Variants in DAB2IP observed in about 807,000 individuals in gnomAD.
The protein encoded by DAB2IP is DAB2 interacting protein, also known as disabled homolog 2-interacting protein.
DAB2IP carries 28 observed loss-of-function variants against 107.2 expected under a neutral mutation model. That is an observed-to-expected ratio of 0.26 (90% CI 0.19 to 0.36). DAB2IP has a LOEUF of 0.36. Among genes scored for constraint, DAB2IP ranks in the 10% least tolerant of loss-of-function variants. DAB2IP has a pLI of 1.00. For missense variants in DAB2IP, 1,400 were observed against 1,644.7 expected, an observed-to-expected ratio of 0.85 and a Z score of 2.57; for synonymous variants, 755 against 706.4, an observed-to-expected ratio of 1.07 and a Z score of -1.09.
chr9:121,663,027 G>A (rs1833271128), intron 1 of DAB2IP, among the ~76,000 whole-genome samples: 1 of 152,240 alleles, frequency 6.6e-6, no homozygotes, highest in Non-Finnish European at 1.5e-5. Context: ...ACTCAGGGTT[G>A]AGAGAAGACT....
chr9:121,618,683 T>TC, intron 1 of DAB2IP, among the ~76,000 whole-genome samples: 1 of 152,254 alleles, frequency 6.6e-6, no homozygotes, highest in African/African-American at 2.4e-5. Flanking sequence ...ATTTTTTTTT[T>TC]CTCCCAAAAG....
intron 1 of DAB2IP, among the ~76,000 whole-genome samples, chr9:121,597,267 C>T (rs1057097288): frequency 2.0e-5 from 3 of 152,072 alleles, no homozygotes; most frequent in African/African-American, 7.2e-5. Flanking sequence ...GTTTTCAGTA[C>T]ACCTGGAACT....
At position 121,699,375 on chromosome 9, in the gene DAB2IP, G is replaced by T. The variant is rs1394123087; in HGVS notation, c.279G>T (p.Gln93His). 1 of 1,479,364 alleles carries T rather than the reference G, an allele frequency of 6.8e-7. No individual in the cohort carries two copies. The highest frequency in any genetic ancestry group is 9.0e-7 in the Non-Finnish European group (1 of 1,105,394). The allele number at this position is 1,479,364 out of a possible 1,614,324, so 91.6% of individuals were successfully genotyped here. A position where few individuals can be genotyped will look rare whatever the true frequency, so the allele number is the denominator to read the frequency against. Residue 93 changes from glutamine to histidine, a missense_variant, in exon 3 of 16, where the codon CAG becomes CAT. Gln to His is a conservative substitution (Grantham distance 24, BLOSUM62 0). Around this residue, in one of 3 missense-constraint regions of DAB2IP, gnomAD observed 283 missense variants for 237.0 expected, o/e 1.19. Transcript: ENST00000408936. The surrounding 1 kb of genome is among the most constrained non-coding windows in gnomAD (Gnocchi z 6.2). ...GCTCCATCAAGCGCACCAAGAGCCA[G>T]CCCAAGCTGGACCGCAACCACAGCT...
Position 121,773,246 on chromosome 9 carries a change from A to G in DAB2IP, c.2718A>G (p.Pro906=). Residue 906 remains proline, a synonymous_variant, in exon 12 of 16, where the codon CCA becomes CCG. Transcript: ENST00000408936. Reference sequence around the variant, plus strand: ...AAAAAGGCGGGCAGCCCACGGTGCCACGGCAGAACAGTGCTGGCCCCCAGA... The same window carrying G: ...AAAAAGGCGGGCAGCCCACGGTGCCGCGGCAGAACAGTGCTGGCCCCCAGA... The G allele has an allele frequency of 1.9e-6, 3 of 1,549,702 alleles. No individual in the cohort carries two copies. In the South Asian group the frequency reaches 3.6e-5, roughly 18 times the overall value.
intron 1 of DAB2IP, among the ~76,000 whole-genome samples, chr9:121,640,819 T>A (rs1264843356): frequency 6.6e-6 from 1 of 152,134 alleles, no homozygotes; most frequent in East Asian, 1.9e-4. Context: ...GACCACTAGA[T>A]CTCTTGAGGC....
intron 2 of DAB2IP, among the ~76,000 whole-genome samples, chr9:121,686,134 G>A (rs1031153575): frequency 6.6e-6 from 1 of 152,154 alleles, no homozygotes; most frequent in Non-Finnish European, 1.5e-5. Flanking sequence ...CATGGGGTTG[G>A]GGGGACAAGC....
chr9:121,744,407 G>GA (rs1203783879), intron 3 of DAB2IP, among the ~76,000 whole-genome samples: 2 of 152,066 alleles, frequency 1.3e-5, no homozygotes, highest in Non-Finnish European at 2.9e-5. Flanking sequence ...ACCCATTTCT[G>GA]AAAAAAAGTC....
chr9:121,784,604 A>C (rs139834261), exon 16 of DAB2IP: 109 of 155,010 alleles, frequency 7.0e-4, no homozygotes, highest in Non-Finnish European at 1.3e-3. Context: ...CCGATTTTGT[A>C]AATGTTCTTG....
At chr9:121,695,372 C>T (rs1829369131) in intron 2 of DAB2IP, among the ~76,000 whole-genome samples, 1 of 152,200 alleles carries the variant, frequency 6.6e-6, no homozygotes, top group African/African-American at 2.4e-5. Flanking sequence ...ACCTACTACT[C>T]TGTGTAGTTG....
chr9:121,567,882 A>G (rs895874835), intron 1 of DAB2IP, among the ~76,000 whole-genome samples: 1 of 152,142 alleles, frequency 6.6e-6, no homozygotes, highest in Non-Finnish European at 1.5e-5. Flanking sequence ...CAGCTCCTGC[A>G]CTACTCAGCC....
chr9:121,648,874 T>C (rs1832637136), upstream of DAB2IP, among the ~76,000 whole-genome samples: 1 of 151,968 alleles, frequency 6.6e-6, no homozygotes, highest in South Asian at 2.1e-4. Flanking sequence ...GTGGTAGCAA[T>C]GGTGGTGGTG....
In DAB2IP at chr9:121,616,378, C is replaced by G. The variant is rs1274889578; in HGVS notation, c.40+49150C>G. On this transcript the variant is annotated intron_variant, in intron 1 of 16. Transcript: ENST00000259371. Reference sequence around the variant, plus strand: ...CTGCTGTCTTTATTCTAGTGCCTGTCTGCCTGAGTTCCTTCTTGGAGTAAT... The same window carrying G: ...CTGCTGTCTTTATTCTAGTGCCTGTGTGCCTGAGTTCCTTCTTGGAGTAAT... Among the ~76,000 whole-genome samples, 5 of 152,304 alleles carry G rather than the reference C, an allele frequency of 3.3e-5. No homozygotes were observed. The East Asian group carries it at 9.7e-4, about 29-fold the overall frequency.
intron 2 of DAB2IP, among the ~76,000 whole-genome samples, chr9:121,679,231 A>G (rs770703512): frequency 1.3e-5 from 2 of 152,198 alleles, no homozygotes; most frequent in South Asian, 2.1e-4. Context: ...ATAATGCTAT[A>G]TATTATAACT....
chr9:121,743,901 G>A (rs563460775), intron 3 of DAB2IP, among the ~76,000 whole-genome samples: 2 of 151,670 alleles, frequency 1.3e-5, no homozygotes, highest in East Asian at 3.9e-4. Context: ...ATCCACTGCC[G>A]GCCCAGAATG....
At chr9:121,742,752 T>G (rs1017496264) in intron 3 of DAB2IP, 7 of 985,550 alleles carry the variant, frequency 7.1e-6, no homozygotes, top group Non-Finnish European at 7.2e-6. Flanking sequence ...TCCCTCTGAC[T>G]GCCCGCTTTT....
intron 1 of DAB2IP, among the ~76,000 whole-genome samples, chr9:121,574,553 C>T (rs1830015169): frequency 6.6e-6 from 1 of 152,148 alleles, no homozygotes. Flanking sequence ...GTGCCTGGCT[C>T]ACTGCTAAAT....
chr9:121,754,398 C>T (rs1289059470), intron 3 of DAB2IP, among the ~76,000 whole-genome samples: 1 of 152,228 alleles, frequency 6.6e-6, no homozygotes, highest in East Asian at 1.9e-4. Flanking sequence ...GAAGGAGTAG[C>T]CTGGGAGAGC....
At chr9:121,572,794 G>T (rs1343645554) in intron 1 of DAB2IP, among the ~76,000 whole-genome samples, 1 of 152,130 alleles carries the variant, frequency 6.6e-6, no homozygotes, top group Non-Finnish European at 1.5e-5. Flanking sequence ...GCGGGGGTTG[G>T]GCTCAGACAG....
intron 1 of DAB2IP, among the ~76,000 whole-genome samples, chr9:121,619,303 C>T (rs1203795498): frequency 2.0e-5 from 3 of 152,168 alleles, no homozygotes; most frequent in Non-Finnish European, 4.4e-5. Flanking sequence ...CGCGCCACCA[C>T]ATCCCGCTAA....
Sources: gnomAD v4.1 joint callset for allele counts (sites outside exome capture counted in the v4.1 genomes callset) on GRCh38, gnomAD v4.1.1 for gene constraint, gnomAD v4.1.1 regional missense constraint, Gnocchi (gnomAD v3.1) non-coding constraint, MANE v1.5 for transcripts, NCBI Gene and HGNC (gene_info 2026-07-23, HGNC 2026-07-21) for gene names.